INO80: variants seen among roughly 807,000 people sequenced by gnomAD.
INO80 encodes the protein INO80 complex ATPase subunit.
Under a neutral mutation model 203.4 loss-of-function variants are expected in INO80, and 20 were observed. That is an observed-to-expected ratio of 0.10 (90% confidence interval 0.07 to 0.14). The LOEUF is 0.14. INO80 is among the 10% of genes least tolerant of loss of function. The pLI is 1.00. For synonymous variants in INO80, 726 were observed against 685.2 expected (o/e 1.06, Z -0.93); for missense variants, 1,419 against 1,914.4 (o/e 0.74, Z 4.83).
At chr15:41,100,704 A>C (rs573160202) in intron 1 of INO80, among the ~76,000 whole-genome samples, 1 of 152,146 alleles carries the variant, frequency 6.6e-6, no homozygotes, top group Non-Finnish European at 1.5e-5. Context: ...TTAAGTGTTC[A>C]ATTTTTTTCT....
chr15:40,985,285 G>T (rs796129812), intron 32 of INO80, 53 bp downstream of exon 32: 6 of 1,331,872 alleles, frequency 4.5e-6, no homozygotes, highest in Middle Eastern at 2.0e-4. Flanking sequence ...AGCCTTTTTG[G>T]TAAGTACCCC....
intron 21 of INO80, 138 bp from the exon 22 acceptor site, chr15:41,048,414 C>G: frequency 3.2e-6 from 2 of 632,326 alleles, no homozygotes; most frequent in Admixed American, 5.7e-5. Context: ...GCCATATTAC[C>G]AGGCAAAAAT....
At chr15:40,990,138 C>T (rs1566901157) in intron 29 of INO80, among the ~76,000 whole-genome samples, 1 of 152,036 alleles carries the variant, frequency 6.6e-6, no homozygotes, top group African/African-American at 2.4e-5. Context: ...CTATGTCTAT[C>T]CTCCATCTTA....
At chr15:41,026,474 GC>G (rs1254885838) in intron 25 of INO80, among the ~76,000 whole-genome samples, 4 of 151,892 alleles carry the variant, frequency 2.6e-5, no homozygotes, top group Non-Finnish European at 5.9e-5. Flanking sequence ...GATCACTTGA[GC>G]CCAGGAGGTT....
intron 24 of INO80, among the ~76,000 whole-genome samples, chr15:41,031,295 C>T (rs1031787740): frequency 2.6e-5 from 4 of 151,244 alleles, no homozygotes; most frequent in Non-Finnish European, 4.4e-5. Flanking sequence ...AAAATGTATG[C>T]CTGACATGGA....
chr15:41,091,725 G>A (rs977942235), intron 5 of INO80, among the ~76,000 whole-genome samples: 3 of 146,548 alleles, frequency 2.0e-5, no homozygotes, highest in African/African-American at 7.7e-5. Flanking sequence ...TGTGATCTCG[G>A]CTCACTGCAA....
chr15:41,072,903 C>T (rs1596310102), intron 11 of INO80, among the ~76,000 whole-genome samples: 1 of 151,738 alleles, frequency 6.6e-6, no homozygotes, highest in African/African-American at 2.4e-5. Context: ...GCCTCAGCCT[C>T]CCGAGTAGCT....
At chr15:41,071,786 C>T in intron 12 of INO80, 63 bp downstream of exon 12, 1 of 1,416,904 alleles carries the variant, frequency 7.1e-7, no homozygotes, top group Non-Finnish European at 9.9e-7. Flanking sequence ...TTCACAATCA[C>T]ATTGAACAAA....
In INO80 at chr15:41,092,135, T is replaced by C. The variant is rs1286771523; in HGVS notation, c.429A>G (p.Glu143=). ...GATTGAGTTCTTCTTCATCATCGTC[T>C]TCACTCTGAGAATCAGCCTCGCTGG... ...DESSEADSQS[E]DDDEEELNLS... Residue 143 remains glutamate (E), a synonymous_variant, in exon 5 of 36, where the codon GAA becomes GAG. Transcript: ENST00000648947. 5.0e-6 allele frequency: 8 copies of C among 1,610,834 alleles called. No homozygotes were observed. Among genetic ancestry groups the C allele is most frequent in the Non-Finnish European group, 6.8e-6 (8 of 1,177,362 alleles).
intron 14 of INO80, among the ~76,000 whole-genome samples, chr15:41,064,217 A>C (rs1488665297): frequency 6.6e-6 from 1 of 152,226 alleles, no homozygotes; most frequent in Non-Finnish European, 1.5e-5. Flanking sequence ...CACAAAGGAC[A>C]TATAAACACT....
chr15:41,024,526 CA>C (rs1213112523), intron 25 of INO80: 1 of 152,248 alleles, frequency 6.6e-6, no homozygotes, highest in Non-Finnish European at 1.5e-5. Context: ...TCTGAAACTA[CA>C]GTACCTTCAG....
In INO80 at chr15:40,985,029, T is replaced by C. The variant is rs183740742; in HGVS notation, c.3921+309A>G. Among the ~76,000 whole-genome samples, 409 of 152,342 alleles carry C rather than the reference T, an allele frequency of 2.7e-3. 3 individuals are homozygous for C. The highest frequency in any genetic ancestry group is 0.013 in the South Asian group (61 of 4,830). On this transcript the variant is annotated intron_variant, in intron 32 of 35. Coordinates refer to ENST00000648947, the MANE Select transcript of INO80 (RefSeq NM_017553.3). ...CTCTTAGGCCCCTTCTAAGATTCTA[T>C]GGAGCCTTATAAGTAATGCCCATCT...
intron 1 of INO80, among the ~76,000 whole-genome samples, chr15:41,096,788 C>T (rs2045731591): frequency 1.3e-5 from 2 of 152,228 alleles, no homozygotes; most frequent in Admixed American, 1.3e-4. Flanking sequence ...AAAATAGGTG[C>T]TGCCCTCTTC....
At chr15:41,002,208 T>C (rs571074458) in intron 28 of INO80, among the ~76,000 whole-genome samples, 1 of 152,318 alleles carries the variant, frequency 6.6e-6, no homozygotes, top group Non-Finnish European at 1.5e-5. Context: ...ACCTAAGTAA[T>C]TCTAAGTTGT....
intron 17 of INO80, 25 bp from the exon 18 acceptor site, chr15:41,055,389 T>C (rs1266776400): frequency 6.8e-7 from 1 of 1,469,006 alleles, no homozygotes; most frequent in Non-Finnish European, 9.5e-7. Flanking sequence ...AAAAATGAAA[T>C]AGCTATAGAG....
chr15:41,073,572 T>C, intron 10 of INO80, 77 bp from the exon 11 acceptor site: 1 of 1,126,758 alleles, frequency 8.9e-7, no homozygotes, highest in Non-Finnish European at 1.4e-6. Flanking sequence ...CCAATGTATG[T>C]GGATCCCTGA....
chr15:41,044,983 T>C lies in INO80; in HGVS notation c.2828A>G (p.Tyr943Cys), dbSNP rs571980900. Residue 943 changes from tyrosine to cysteine, a missense_variant, in exon 24 of 36, where the codon TAC (tyrosine) becomes TGC (cysteine). Physicochemically the swap from Tyr to Cys is radical, Grantham distance 194. Coordinates refer to ENST00000648947, the MANE Select transcript of INO80 (RefSeq NM_017553.3). ...GAPEGESHQR[Y>C]LRNKDFLLGV... is the part of the protein sequence containing the mutation. Reference sequence around the variant, plus strand: ...AAGAAGGAAATCCTTGTTCCTCAGGTATCTCTGGTGGCTCTCCCCTTCTGG... The same window carrying C: ...AAGAAGGAAATCCTTGTTCCTCAGGCATCTCTGGTGGCTCTCCCCTTCTGG... 2 of 1,613,950 alleles carry C rather than the reference T, an allele frequency of 1.2e-6. No homozygotes were observed. Among genetic ancestry groups the C allele is most frequent in the Admixed American group, 3.3e-5 (2 of 59,962 alleles).
At chr15:41,096,449 C>A in intron 1 of INO80, 96 bp from the exon 2 acceptor site, 1 of 813,416 alleles carries the variant, frequency 1.2e-6, no homozygotes, top group Non-Finnish European at 1.8e-6. Context: ...ATCAGACCTT[C>A]TAGAACACAA....
chr15:41,056,548 T>C (rs372798422), intron 17 of INO80, 74 bp downstream of exon 17: 6 of 1,163,578 alleles, frequency 5.2e-6, no homozygotes, highest in African/African-American at 3.0e-5. Context: ...AGGGAATGGG[T>C]AAAGAATTCT....
Sources: allele counts gnomAD v4.1 joint callset (sites outside exome capture counted in the v4.1 genomes callset), GRCh38; gene constraint gnomAD v4.1.1; transcripts MANE v1.5; gene names NCBI Gene and HGNC (gene_info 2026-07-23, HGNC 2026-07-21).